The following COL4A1 variants were observed in gnomAD, a reference collection of about 807,000 sequenced individuals.
COL4A1 encodes the protein collagen alpha-1(IV) chain.
Under a neutral mutation model 216.6 loss-of-function variants are expected in COL4A1, and 40 were observed. The ratio of observed to expected loss-of-function variants is 0.18; its 90% CI spans 0.14 to 0.24. The LOEUF is 0.24. Among genes scored for constraint, COL4A1 ranks in the 10% least tolerant of loss-of-function variants. The pLI is 1.00. For missense variants in COL4A1, 1,628 were observed against 2,196.8 expected, an observed-to-expected ratio of 0.74 and a Z score of 5.18; for synonymous variants, 839 against 810.7, an observed-to-expected ratio of 1.03 and a Z score of -0.59.
At chr13:110,173,240 T>C (rs896816306) in intron 40 of COL4A1, among the ~76,000 whole-genome samples, 5 of 151,184 alleles carry the variant, frequency 3.3e-5, no homozygotes, top group African/African-American at 1.2e-4. Context: ...ATTGTTTGTA[T>C]AGAAAAACAA....
chr13:110,211,876 C>T lies in COL4A1; in HGVS notation c.434G>A (p.Gly145Glu). 1 of 1,614,076 alleles carries T rather than the reference C, an allele frequency of 6.2e-7. No homozygotes were observed. Among genetic ancestry groups the T allele is most frequent in the Non-Finnish European group, 8.5e-7 (1 of 1,179,998 alleles). The part of the protein sequence containing the change: ...LGPPGLPGFA[G>E]NPGPPGLPGM... ...TAAATAACCTCTACTCACGGGATTT[C>T]CAGCGAAACCAGGCAAGCCAGGAGG... The change falls in exon 7 of 52, where the codon GGA becomes GAA. Residue 145 changes from glycine (G) to glutamate (E), a missense_variant. By Grantham distance (98) the Gly-to-Glu change is moderately conservative. This residue lies in a region of COL4A1 where 150 missense variants were observed against 211.9 expected (regional missense o/e 0.71). Transcript: ENST00000375820. This position sits in a 1 kb window ranked among gnomAD's most constrained non-coding sequence, Gnocchi z 4.3.
chr13:110,301,448 G>A (rs931067735), intron 1 of COL4A1, among the ~76,000 whole-genome samples: 13 of 152,292 alleles, frequency 8.5e-5, no homozygotes, highest in Non-Finnish European at 1.6e-4. Context: ...AGCACCGCTC[G>A]AGTGCTTACT....
chr13:110,205,300 C>A, intron 17 of COL4A1, 53 bp downstream of exon 17: 1 of 1,604,570 alleles, frequency 6.2e-7, no homozygotes. Context: ...AAACAGACTT[C>A]TGGGTTGAAT....
At chr13:110,187,358 G>A (rs779888495) in intron 24 of COL4A1, 29 bp from the exon 25 acceptor site, 18 of 1,611,134 alleles carry the variant, frequency 1.1e-5, no homozygotes, top group East Asian at 2.2e-5. Context: ...GTGATCCACA[G>A]AAGAACCCAT....
chr13:110,213,821 A>G lies in COL4A1; in HGVS notation c.240T>C (p.Asp80=), dbSNP rs1414244906. ...GPQGPPGQKG[D]TGEPGLPGTK... Reference sequence around the variant, plus strand: ...TTCCAGGTAGTCCTGGTTCTCCAGTATCACCCTGGAACAGAATAGAAATGC... The same window carrying G: ...TTCCAGGTAGTCCTGGTTCTCCAGTGTCACCCTGGAACAGAATAGAAATGC... The change falls in exon 4 of 52, where the codon GAT becomes GAC. Residue 80 remains aspartate (D), a synonymous_variant. Transcript: ENST00000375820. The G allele has an allele frequency of 1.2e-6, 2 of 1,614,042 alleles. No individual in the cohort carries two copies.
At position 110,176,331 on chromosome 13, in the gene COL4A1, C is replaced by G. The variant is rs1877884025; in HGVS notation, c.3058+93G>C. 3 of 868,926 alleles carry G rather than the reference C, an allele frequency of 3.5e-6. No individual in the cohort carries two copies. The African/African-American group carries it at 5.0e-5, about 14-fold the overall frequency. The allele number at this position is 868,926 out of a possible 1,614,324, so 53.8% of individuals were successfully genotyped here. A position where few individuals can be genotyped will look rare whatever the true frequency, so the allele number is the denominator to read the frequency against. On this transcript the variant is annotated intron_variant, in intron 36 of 51. Transcript: ENST00000375820. ...AAAGACACACGTGCCTGGATTCTGT[C>G]CGTCTCAGCTGAAGAGGATCTCATT... is the stretch of plus-strand genomic sequence containing the variant.
At chr13:110,235,946 T>C (rs1053458674) in intron 2 of COL4A1, among the ~76,000 whole-genome samples, 1 of 152,160 alleles carries the variant, frequency 6.6e-6, no homozygotes, top group Non-Finnish European at 1.5e-5. Flanking sequence ...AATTGAAGAT[T>C]ATTGAATTCT....
rs1884771819 is a variant in COL4A1, at chr13:110,307,127, T to G, written c.-100A>C. On this transcript the variant is annotated 5_prime_UTR_variant, in exon 1 of 52. Coordinates refer to ENST00000375820, the MANE Select transcript of COL4A1 (RefSeq NM_001845.6). This position sits in a 1 kb window ranked among gnomAD's most constrained non-coding sequence, Gnocchi z 5.0. ...GCCGGACTTCCAGCGCTACGCACCGTCCCGGGTGCGGCGGCTCCAAGCGGA... is the reference window on the plus strand; with the variant it reads ...GCCGGACTTCCAGCGCTACGCACCGGCCCGGGTGCGGCGGCTCCAAGCGGA... 2.1e-6 allele frequency: 2 copies of G among 959,850 alleles called. No homozygotes were observed. Among genetic ancestry groups the G allele is most frequent in the African/African-American group, 3.5e-5 (2 of 57,836 alleles). 59.5% of individuals were successfully genotyped at this position (959,850 alleles called of 1,614,324 possible). A position where few individuals can be genotyped will look rare whatever the true frequency, so the allele number is the denominator to read the frequency against.
chr13:110,191,658 T>C (rs1204502315), intron 24 of COL4A1: 7 of 686,828 alleles, frequency 1.0e-5, no homozygotes, highest in African/African-American at 3.5e-5. Context: ...AACTGCACAA[T>C]AGATGTTGTA....
In COL4A1 at chr13:110,211,682, G is replaced by C. The variant is rs1177139303; in HGVS notation, c.442-9C>G. 6.2e-7 allele frequency: 1 copy of C among 1,610,578 alleles called. No homozygotes were observed. Among genetic ancestry groups the C allele is most frequent in the Non-Finnish European group, 8.5e-7 (1 of 1,178,572 alleles). ...GGTAAGCCTGGTGGTCCCTAAAAAA[G>C]AAAGTTTTGGTGTTAGTTTTGTTTT... On this transcript the variant is annotated splice_polypyrimidine_tract_variant and intron_variant, in intron 7 of 51. Coordinates refer to ENST00000375820, the MANE Select transcript of COL4A1 (RefSeq NM_001845.6). The surrounding 1 kb of genome is among the most constrained non-coding windows in gnomAD (Gnocchi z 4.3).
chr13:110,253,257 T>TA, intron 1 of COL4A1, among the ~76,000 whole-genome samples: 1 of 139,130 alleles, frequency 7.2e-6, no homozygotes, highest in African/African-American at 2.6e-5. Context: ...ATACATATAA[T>TA]TAGGTATATA....
chr13:110,190,665 A>G (rs1441353194), intron 24 of COL4A1: 1 of 152,242 alleles, frequency 6.6e-6, no homozygotes, highest in Non-Finnish European at 1.5e-5. Flanking sequence ...AAATAAGAGA[A>G]CCACATTTCT....
chr13:110,191,140 C>T (rs1214443064), intron 24 of COL4A1: 1 of 152,408 alleles, frequency 6.6e-6, no homozygotes, highest in Non-Finnish European at 1.5e-5. Flanking sequence ...AACTCAGCTC[C>T]CCAGGCACCA....
chr13:110,185,291 G>T (rs1878350022), intron 26 of COL4A1, among the ~76,000 whole-genome samples: 1 of 151,954 alleles, frequency 6.6e-6, no homozygotes, highest in Non-Finnish European at 1.5e-5. Context: ...GACTATAGGT[G>T]CCTGCCACCA....
At chr13:110,169,013 T>C (rs1468703904) in intron 43 of COL4A1, among the ~76,000 whole-genome samples, 1 of 150,364 alleles carries the variant, frequency 6.7e-6, no homozygotes, top group African/African-American at 2.5e-5. Context: ...AGAAGGGCTA[T>C]ATATTCAGGT....
At chr13:110,150,545 G>T in intron 51 of COL4A1, 101 bp from the exon 52 acceptor site, 1 of 1,226,548 alleles carries the variant, frequency 8.2e-7, no homozygotes. Flanking sequence ...GATCAGCCCA[G>T]CCCCTGGCAT....
chr13:110,304,754 G>T (rs1884620498), intron 1 of COL4A1, among the ~76,000 whole-genome samples: 1 of 152,180 alleles, frequency 6.6e-6, no homozygotes, highest in African/African-American at 2.4e-5. Context: ...AGCCTTTCAT[G>T]AAGAAAAAAC....
In COL4A1 at chr13:110,178,050, C is replaced by CA; in HGVS notation, c.2626+13dup. ...TTCATGATGGATCCAGGCAGAAGTT[C>CA]AAAAATCACTTACCTGGAAACCCAG... On this transcript the variant is annotated intron_variant, in intron 32 of 51. Coordinates refer to ENST00000375820, the MANE Select transcript of COL4A1 (RefSeq NM_001845.6). 6.2e-7 allele frequency: 1 copy of CA among 1,614,106 alleles called. No homozygotes were observed. Among genetic ancestry groups the CA allele is most frequent in the African/African-American group, 1.3e-5 (1 of 75,016 alleles).
At chr13:110,275,910 G>A (rs773427739) in intron 1 of COL4A1, among the ~76,000 whole-genome samples, 1 of 152,144 alleles carries the variant, frequency 6.6e-6, no homozygotes, top group Non-Finnish European at 1.5e-5. Context: ...AGAGGTAAGG[G>A]GGTAGGGATG....
Sources: allele counts gnomAD v4.1 joint callset (sites outside exome capture counted in the v4.1 genomes callset), GRCh38; gene constraint gnomAD v4.1.1; regional missense constraint gnomAD v4.1.1; non-coding constraint Gnocchi (gnomAD v3.1); transcripts MANE v1.5; gene names NCBI Gene and HGNC (gene_info 2026-07-23, HGNC 2026-07-21).